Variants in LRRC56 observed in about 807,000 individuals in gnomAD.
LRRC56 encodes the protein leucine-rich repeat-containing protein 56.
In LRRC56, 41 loss-of-function variants were observed where a neutral mutation model predicts 47.8. That is an observed-to-expected ratio of 0.86 (90% CI 0.67 to 1.11). The LOEUF (loss-of-function observed/expected upper bound fraction) is 1.11. LRRC56 is among the 50% of genes most tolerant of loss of function. The probability of loss-of-function intolerance (pLI) is 0.00; values close to 1 mark genes in which losing one functional copy is unlikely to be tolerated. For synonymous variants in LRRC56, 387 were observed against 311.2 expected, an observed-to-expected ratio of 1.24 and a Z score of -2.56; for missense variants, 759 against 704.2, an observed-to-expected ratio of 1.08 and a Z score of -0.88.
chr11:535,777 G>T (rs8176332), upstream of LRRC56, among the ~76,000 whole-genome samples: 21,329 of 151,944 alleles, frequency 0.14, 2,087 homozygotes, highest in African/African-American at 0.28. Context: ...GGAGACCGGA[G>T]CCGAGCTCGG....
intron 6 of LRRC56, among the ~76,000 whole-genome samples, chr11:549,544 C>G (rs1466111373): frequency 6.6e-6 from 1 of 152,242 alleles, no homozygotes; most frequent in Non-Finnish European, 1.5e-5. Flanking sequence ...ACTCCAGACC[C>G]TTACTCCAAA....
chr11:542,739 T>C (rs1851864013), intron 5 of LRRC56, among the ~76,000 whole-genome samples: 1 of 152,098 alleles, frequency 6.6e-6, no homozygotes, highest in African/African-American at 2.4e-5. Context: ...GAGTTGGACA[T>C]GCAACACCCC....
chr11:538,360 C>T (rs1851624521), intron 1 of LRRC56, among the ~76,000 whole-genome samples: 1 of 152,144 alleles, frequency 6.6e-6, no homozygotes. Flanking sequence ...ATGGAGGTGG[C>T]CAGAGTCTTT....
chr11:524,580 G>A, the LRRC56 span, among the ~76,000 whole-genome samples: 1 of 151,810 alleles, frequency 6.6e-6, no homozygotes, highest in African/African-American at 2.4e-5. Context: ...GTAGTAAGCC[G>A]AGATTGCACC....
the LRRC56 span, among the ~76,000 whole-genome samples, chr11:511,355 A>G: frequency 6.6e-6 from 1 of 150,896 alleles, no homozygotes; most frequent in East Asian, 1.9e-4. Context: ...GAAAACATTG[A>G]GGATGAAGTA....
rs1404673926 is a variant in LRRC56 at position 546,715 on chromosome 11, G to A, written c.326+1935G>A. On this transcript the variant is annotated intron_variant, in intron 6 of 13. Coordinates refer to ENST00000270115, the MANE Select transcript of LRRC56 (RefSeq NM_198075.4). ...CTGCAGCAGGCACCCAGACGACACC[G>A]CGAACGAGAAACTAGGATGGGTTTG... 2.6e-5 allele frequency among the ~76,000 whole-genome samples: 4 copies of A among 152,110 alleles called. No individual in the cohort carries two copies. In the East Asian group the frequency reaches 5.8e-4, roughly 22 times the overall value.
chr11:506,880 G>A, the LRRC56 span: 1,299 of 152,388 alleles, frequency 8.5e-3, 14 homozygotes, highest in Non-Finnish European at 0.013. Flanking sequence ...CCGCGATGAC[G>A]TCCTCAAGGC....
At chr11:507,005 G>A in the LRRC56 span, 1 of 151,596 alleles carries the variant, frequency 6.6e-6, no homozygotes, top group Non-Finnish European at 1.5e-5. Flanking sequence ...CCACTCGCCC[G>A]CGCAGCAACG....
At chr11:531,166 G>T in the LRRC56 span, among the ~76,000 whole-genome samples, 1 of 149,066 alleles carries the variant, frequency 6.7e-6, no homozygotes, top group East Asian at 2.0e-4. Flanking sequence ...GTCCCCTGGA[G>T]AGAAGGGCGA....
chr11:552,471 C>G, intron 12 of LRRC56, 98 bp from the exon 13 acceptor site: 1 of 1,267,272 alleles, frequency 7.9e-7, no homozygotes, highest in Non-Finnish European at 1.1e-6. Flanking sequence ...GCTACCTTGG[C>G]TGAGTCATCC....
the LRRC56 span, among the ~76,000 whole-genome samples, chr11:525,094 CAA>C: frequency 1.2e-4 from 15 of 125,310 alleles, no homozygotes; most frequent in Admixed American, 2.5e-4. Flanking sequence ...GACTCCGTCT[CAA>C]AAAAAAAAAA....
At chr11:531,927 G>C in the LRRC56 span, among the ~76,000 whole-genome samples, 1 of 152,326 alleles carries the variant, frequency 6.6e-6, no homozygotes, top group South Asian at 2.1e-4. Context: ...GCAGAGACCA[G>C]AGCCACCGGC....
rs574089705 is a variant in LRRC56 at position 551,669 on chromosome 11, C to G, written c.815C>G (p.Pro272Arg). Residue 272 changes from proline to arginine, a missense_variant, in exon 10 of 14, where the codon CCC (proline) becomes CGC (arginine). By Grantham distance (103) the Pro-to-Arg change is moderately radical. Transcript: ENST00000270115. ...LPPLDCPRGA[P>R]IRRLDPELSL... ...CGGGCAGACTGTCCCCGTGGAGCCC[C>G]CATCCGGAGACTTGACCCCGAGCTG... 843 of 1,583,482 alleles carry G rather than the reference C, an allele frequency of 5.3e-4. 10 individuals are homozygous for G. In the South Asian group the frequency reaches 9.2e-3, roughly 17 times the overall value.
the LRRC56 span, among the ~76,000 whole-genome samples, chr11:525,539 C>T: frequency 1.4e-5 from 2 of 147,458 alleles, no homozygotes; most frequent in Non-Finnish European, 3.0e-5. Flanking sequence ...CAGAGTGAGA[C>T]CCTGTCTCAA....
At chr11:534,617 G>A, upstream of LRRC56, 2 of 523,938 alleles carry the variant, frequency 3.8e-6, no homozygotes, top group Admixed American at 6.5e-5. Context: ...CTCAAAGGCA[G>A]GGCTGACAGC....
intron 6 of LRRC56, among the ~76,000 whole-genome samples, chr11:548,694 G>A (rs780639191): frequency 2.0e-5 from 3 of 152,196 alleles, no homozygotes; most frequent in African/African-American, 4.8e-5. Context: ...TCCTGACCTC[G>A]TGATCTGCCT....
chr11:553,944 C>T lies in LRRC56; in HGVS notation c.1316-19C>T, dbSNP rs756159899. On this transcript the variant is annotated intron_variant, in intron 13 of 13. Transcript: ENST00000270115. ...CCTGACAGCCTTTCTGACGTCCCAT[C>T]ACTCTGCTTGCTTTCTAGAGCCCTC... The T allele has an allele frequency of 1.2e-6, 2 of 1,605,108 alleles. No homozygotes were observed. The highest frequency in any genetic ancestry group is 2.2e-5 in the South Asian group (2 of 90,198).
Position 541,750 on chromosome 11 carries a change from G to A in LRRC56, c.265+126G>A, listed in dbSNP as rs932529939. 1.5e-5 allele frequency: 9 copies of A among 601,464 alleles called. No homozygotes were observed. Among genetic ancestry groups the A allele is most frequent in the Non-Finnish European group, 2.5e-5 (9 of 357,002 alleles). The allele number at this position is 601,464 out of a possible 1,614,324, so 37.3% of individuals were successfully genotyped here. On this transcript the variant is annotated intron_variant, in intron 5 of 13. Transcript: ENST00000270115. This position sits in a 1 kb window ranked among gnomAD's most constrained non-coding sequence, Gnocchi z 4.1. ...CGGGCCGCGTATCGGCTTCCTTAGG[G>A]TTGGCCTCTGACCTGAGGTCTGTGT...
chr11:554,178 C>CG lies in LRRC56; in HGVS notation c.1532dup (p.Ala512SerfsTer16). On this transcript the variant is annotated frameshift_variant, in exon 14 of 14. Transcript: ENST00000270115. LOFTEE classifies it low-confidence loss of function (END_TRUNC). Reference sequence around the variant, plus strand: ...GGAGGTGGCCTCACGCCTGAGCCCTCGAGCCCAGGGATGTCCTGGCCCAAA... The same window carrying CG: ...GGAGGTGGCCTCACGCCTGAGCCCTCGGAGCCCAGGGATGTCCTGGCCCAAA... 6.3e-7 allele frequency: 1 copy of CG among 1,577,290 alleles called. No individual in the cohort carries two copies. The highest frequency in any genetic ancestry group is 8.6e-7 in the Non-Finnish European group (1 of 1,162,954).
Sources: allele counts gnomAD v4.1 joint callset (sites outside exome capture counted in the v4.1 genomes callset), GRCh38; gene constraint gnomAD v4.1.1; non-coding constraint Gnocchi (gnomAD v3.1); transcripts MANE v1.5; gene names NCBI Gene and HGNC (gene_info 2026-07-23, HGNC 2026-07-21).